The following CALU variants were observed in gnomAD, a reference collection of about 807,000 sequenced individuals.
The protein encoded by CALU is calumenin.
Under a neutral mutation model 37.5 loss-of-function variants are expected in CALU, and 13 were observed. That is an observed-to-expected ratio of 0.35 (90% confidence interval 0.23 to 0.55). The LOEUF is 0.55. Ranked by LOEUF, CALU falls within the 20% of genes least tolerant of loss-of-function variation. The pLI is 0.89. For missense variants in CALU, 282 were observed against 391.7 expected, an observed-to-expected ratio of 0.72 and a Z score of 2.36; for synonymous variants, 114 against 133.8, an observed-to-expected ratio of 0.85 and a Z score of 1.02.
At chr7:128,758,128 A>G (rs184260107) in intron 3 of CALU, among the ~76,000 whole-genome samples, 7 of 152,014 alleles carry the variant, frequency 4.6e-5, no homozygotes, top group African/African-American at 7.2e-5. Context: ...GCAATCACTC[A>G]TCTGTTTTCT....
chr7:128,753,423 T>G (rs1266145589), intron 2 of CALU, among the ~76,000 whole-genome samples: 3 of 152,262 alleles, frequency 2.0e-5, no homozygotes, highest in Non-Finnish European at 4.4e-5. Flanking sequence ...GACATATTTT[T>G]AAATCCATAA....
chr7:128,741,932 T>C (rs1221212735), intron 1 of CALU, among the ~76,000 whole-genome samples: 3 of 152,250 alleles, frequency 2.0e-5, no homozygotes, highest in African/African-American at 7.2e-5. Flanking sequence ...ATAGAACTAA[T>C]GAAGCTTGAG....
intron 1 of CALU, among the ~76,000 whole-genome samples, chr7:128,746,764 T>TTTA: frequency 2.7e-5 from 1 of 37,122 alleles, no homozygotes; most frequent in Non-Finnish European, 7.3e-5. Flanking sequence ...ATGTCATTCT[T>TTTA]TTTTTTTTTT....
At chr7:128,742,819 A>G (rs12533022) in intron 1 of CALU, among the ~76,000 whole-genome samples, 45,355 of 152,056 alleles carry the variant, frequency 0.3, 7,977 homozygotes, top group Non-Finnish European at 0.41. Flanking sequence ...ACGATTCATG[A>G]AAACAACTTT....
At chr7:128,764,083 A>C (rs1048954432) in intron 5 of CALU, among the ~76,000 whole-genome samples, 1 of 152,164 alleles carries the variant, frequency 6.6e-6, no homozygotes, top group Non-Finnish European at 1.5e-5. Context: ...TATGTGTTTT[A>C]AAGTTGGCAT....
rs201424020 is a variant in CALU at position 128,772,054 on chromosome 7, G to GT, written c.*2895dup. 1.0e-4 allele frequency among the ~76,000 whole-genome samples: 11 copies of GT among 110,286 alleles called. No individual in the cohort carries two copies. Among genetic ancestry groups the GT allele is most frequent in the South Asian group, 7.8e-4 (3 of 3,826 alleles). The allele number at this position is 110,286 out of a possible 152,430, so 72.4% of individuals were successfully genotyped here. A position where few individuals can be genotyped will look rare whatever the true frequency, so the allele number is the denominator to read the frequency against. ...TCAAACTCATATTTGGGGCCACTGAGTTTTTTTTGTTTTTTTTTTTGTTTT... is the reference window on the plus strand; with the variant it reads ...TCAAACTCATATTTGGGGCCACTGAGTTTTTTTTTGTTTTTTTTTTTGTTTT... On this transcript the variant is annotated 3_prime_UTR_variant, in exon 7 of 7. Transcript: ENST00000249364.
chr7:128,764,655 T>C (rs1801256077), intron 5 of CALU, among the ~76,000 whole-genome samples: 1 of 152,150 alleles, frequency 6.6e-6, no homozygotes, highest in South Asian at 2.1e-4. Flanking sequence ...GAAAGTGGCA[T>C]TGTGGGTATA....
intron 1 of CALU, among the ~76,000 whole-genome samples, chr7:128,741,345 A>G (rs1203930595): frequency 2.6e-5 from 4 of 152,260 alleles, no homozygotes; most frequent in South Asian, 2.1e-4. Context: ...AGTAAGATGT[A>G]TTAATCCAGT....
At chr7:128,747,512 CT>C (rs1800493923) in intron 1 of CALU, 1 of 152,014 alleles carries the variant, frequency 6.6e-6, no homozygotes, top group Non-Finnish European at 1.5e-5. Flanking sequence ...CTCTAGAACA[CT>C]TTCCACTCTC....
In CALU at chr7:128,768,847, CAAAAAAAAA is replaced by C. The variant is rs1012831963; in HGVS notation, c.844-203_844-195del. Among the ~76,000 whole-genome samples, 2 of 55,164 alleles carry C rather than the reference CAAAAAAAAA, an allele frequency of 3.6e-5. 1 individual carries two copies. Among genetic ancestry groups the C allele is most frequent in the Non-Finnish European group, 6.4e-5 (2 of 31,392 alleles). 36.2% of individuals were successfully genotyped at this position (55,164 alleles called of 152,430 possible). ...GGGCAACAAGAGCGAAACTCCGTCT[CAAAAAAAAA>C]AAAAAAAAAAAACAAGGAATGTGTA... On this transcript the variant is annotated intron_variant, in intron 6 of 6. Transcript: ENST00000249364.
rs541640768 is a variant in CALU at position 128,767,593 on chromosome 7, T to C, written c.781T>C (p.Ser261Pro). ...KEETKDWILPSDYDHAEAEAR... is the reference protein window; with the variant it reads ...KEETKDWILPPDYDHAEAEAR... ...AGAGACCAAAGACTGGATCCTTCCC[T>C]CAGACTATGATCATGCAGAGGCAGA... Residue 261 changes from serine to proline, a missense_variant, in exon 6 of 7, where the codon TCA (serine) becomes CCA (proline). Ser to Pro is a moderately conservative substitution (Grantham distance 74). Coordinates refer to ENST00000249364, the MANE Select transcript of CALU (RefSeq NM_001219.5). The C allele has an allele frequency of 6.2e-7, 1 of 1,614,180 alleles. No homozygotes were observed. The highest frequency in any genetic ancestry group is 1.1e-5 in the South Asian group (1 of 91,082).
rs543861744 is a variant in CALU at position 128,771,948 on chromosome 7, C to T, written c.*2781C>T. 2 of 153,846 alleles carry T rather than the reference C, an allele frequency of 1.3e-5. No homozygotes were observed. Among genetic ancestry groups the T allele is most frequent in the African/African-American group, 4.8e-5 (2 of 41,556 alleles). The allele number at this position is 153,846 out of a possible 1,614,324, so 9.5% of individuals were successfully genotyped here. A position where few individuals can be genotyped will look rare whatever the true frequency, so the allele number is the denominator to read the frequency against. The stretch of plus-strand genomic sequence containing the variant: ...AGCCAAATGCAACGGGGAGGAAGCA[C>T]CTGGAATAATTTGTGCTTGCTCAGG... On this transcript the variant is annotated 3_prime_UTR_variant, in exon 7 of 7. Transcript: ENST00000249364.
chr7:128,740,072 G>C (rs1382149748), intron 1 of CALU, among the ~76,000 whole-genome samples: 1 of 152,150 alleles, frequency 6.6e-6, no homozygotes, highest in African/African-American at 2.4e-5. Flanking sequence ...GCTTTATTGG[G>C]GAATTAATTT....
In CALU at chr7:128,761,493, C is replaced by G. The variant is rs6947604; in HGVS notation, c.643+1641C>G. On this transcript the variant is annotated intron_variant, in intron 5 of 6. Coordinates refer to ENST00000249364, the MANE Select transcript of CALU (RefSeq NM_001219.5). The stretch of plus-strand genomic sequence containing the variant: ...TTGCCTAAGGAGGAGTGAACCGGCC[C>G]GGGACAGAATCAGAGCAGGTCAAAA... 85 of 152,154 alleles carry G rather than the reference C, an allele frequency of 5.6e-4. 1 individual carries two copies. In the East Asian group the frequency reaches 0.011, roughly 20 times the overall value. The allele number at this position is 152,154 out of a possible 1,614,324, so 9.4% of individuals were successfully genotyped here.
At position 128,770,027 on chromosome 7, in the gene CALU, C is replaced by T. The variant is rs1175593788; in HGVS notation, c.*860C>T. On this transcript the variant is annotated 3_prime_UTR_variant, in exon 7 of 7. Transcript: ENST00000249364. The stretch of plus-strand genomic sequence containing the variant: ...AAATGCTCAAGACTTAATTATTTGC[C>T]TTTTGAAATCACTGTAAATGCCCCC... The T allele has an allele frequency of 6.6e-6, 1 of 152,470 alleles. No homozygotes were observed. Among genetic ancestry groups the T allele is most frequent in the East Asian group, 1.9e-4 (1 of 5,198 alleles). 9.4% of individuals were successfully genotyped at this position (152,470 alleles called of 1,614,324 possible).
At chr7:128,763,861 C>A (rs970082294) in intron 5 of CALU, among the ~76,000 whole-genome samples, 1 of 152,178 alleles carries the variant, frequency 6.6e-6, no homozygotes, top group African/African-American at 2.4e-5. Flanking sequence ...AGTACTTCTA[C>A]CCTTAACCCT....
At position 128,758,795 on chromosome 7, in the gene CALU, A is replaced by G. The variant is rs1800987226; in HGVS notation, c.416-76A>G. On this transcript the variant is annotated intron_variant, in intron 3 of 6. Transcript: ENST00000249364. ...CTTGCATGGTTTTATCTTTATTGGA[A>G]ATTGATTTCCCACCCCACACATTTT... 3 of 996,502 alleles carry G rather than the reference A, an allele frequency of 3.0e-6. No homozygotes were observed. The African/African-American group carries it at 4.8e-5, about 16-fold the overall frequency. 61.7% of individuals were successfully genotyped at this position (996,502 alleles called of 1,614,324 possible).
intron 2 of CALU, among the ~76,000 whole-genome samples, chr7:128,753,642 C>A (rs1350133516): frequency 6.6e-6 from 1 of 152,176 alleles, no homozygotes; most frequent in Non-Finnish European, 1.5e-5. Flanking sequence ...AAGCTGCTAG[C>A]CATTTTTTAG....
At chr7:128,746,147 T>G (rs1800425952) in intron 1 of CALU, among the ~76,000 whole-genome samples, 1 of 151,960 alleles carries the variant, frequency 6.6e-6, no homozygotes, top group African/African-American at 2.4e-5. Flanking sequence ...GATAGATGCA[T>G]CTCGTTCTTT....
Sources: allele counts gnomAD v4.1 joint callset (sites outside exome capture counted in the v4.1 genomes callset), GRCh38; gene constraint gnomAD v4.1.1; transcripts MANE v1.5; gene names NCBI Gene and HGNC (gene_info 2026-07-23, HGNC 2026-07-21).